GPHN: variants seen among roughly 807,000 people sequenced by gnomAD.
GPHN encodes the protein gephyrin.
Under a neutral mutation model 95.5 loss-of-function variants are expected in GPHN, and 17 were observed. The observed-to-expected ratio is 0.18, with a 90% CI of 0.12 to 0.27. GPHN has a LOEUF of 0.27. Ranked by LOEUF, GPHN falls within the 10% of genes least tolerant of loss-of-function variation. GPHN has a pLI of 1.00. For synonymous variants in GPHN, 320 were observed against 322.5 expected (o/e 0.99, Z 0.08); for missense variants, 660 against 978.1 (o/e 0.67, Z 4.34).
chr14:67,164,390 A>G (rs2082152859), intron 19 of GPHN, among the ~76,000 whole-genome samples: 1 of 152,070 alleles, frequency 6.6e-6, no homozygotes. Flanking sequence ...TGCTAAGGAT[A>G]GTTTTAAAAG....
At chr14:66,851,391 G>A (rs2062577624) in intron 4 of GPHN, among the ~76,000 whole-genome samples, 1 of 151,848 alleles carries the variant, frequency 6.6e-6, no homozygotes, top group South Asian at 2.1e-4. Context: ...ACCCAGACTG[G>A]AGTTAGAATT....
intron 8 of GPHN, among the ~76,000 whole-genome samples, chr14:66,941,077 C>A (rs1398081195): frequency 1.3e-5 from 2 of 151,820 alleles, no homozygotes; most frequent in Admixed American, 6.5e-5. Context: ...GAATATTGAT[C>A]CAGATTTCTA....
the GPHN span, among the ~76,000 whole-genome samples, chr14:67,644,647 G>C: frequency 2.0e-5 from 3 of 152,142 alleles, no homozygotes; most frequent in Non-Finnish European, 4.4e-5. Flanking sequence ...AGAACAGTTG[G>C]CTAATGTAAG....
At chr14:67,406,426 T>G in the GPHN span, among the ~76,000 whole-genome samples, 1 of 151,510 alleles carries the variant, frequency 6.6e-6, no homozygotes, top group Non-Finnish European at 1.5e-5. Context: ...TTGTGTGGAG[T>G]TAGGCAGGTC....
the GPHN span, among the ~76,000 whole-genome samples, chr14:67,566,624 G>A: frequency 3.9e-5 from 6 of 152,004 alleles, no homozygotes; most frequent in Non-Finnish European, 5.9e-5. Context: ...GGCACATGCC[G>A]GTAGTCCCAG....
chr14:67,615,936 G>T, the GPHN span: 1 of 493,574 alleles, frequency 2.0e-6, no homozygotes, highest in Non-Finnish European at 3.8e-6. Context: ...AAAGCTGAAG[G>T]AAAAATACAG....
intron 3 of GPHN, among the ~76,000 whole-genome samples, chr14:66,799,196 T>G (rs1483296025): frequency 1.3e-5 from 2 of 151,984 alleles, no homozygotes. Context: ...ATTATTTTAG[T>G]TTTTAAAAAA....
intron 2 of GPHN, among the ~76,000 whole-genome samples, chr14:66,757,574 G>C (rs1164255193): frequency 6.6e-6 from 1 of 152,126 alleles, no homozygotes; most frequent in Non-Finnish European, 1.5e-5. Flanking sequence ...ATTTTTAGTA[G>C]AGACAGGGTT....
chr14:67,572,054 TG>T, the GPHN span: 1 of 1,508,698 alleles, frequency 6.6e-7, no homozygotes. Context: ...CCCGGGTGGG[TG>T]GTCAAGTCTC....
intron 5 of GPHN, among the ~76,000 whole-genome samples, chr14:66,886,173 A>C (rs1302359921): frequency 6.6e-6 from 1 of 152,160 alleles, no homozygotes; most frequent in African/African-American, 2.4e-5. Flanking sequence ...AGGCAGCTAA[A>C]ATGACCTATC....
chr14:66,740,241 A>G (rs2072678757), intron 2 of GPHN, among the ~76,000 whole-genome samples: 1 of 152,164 alleles, frequency 6.6e-6, no homozygotes, highest in South Asian at 2.1e-4. Context: ...ACAAAAGGAA[A>G]AACATTATGT....
At chr14:67,253,861 A>G in the GPHN span, among the ~76,000 whole-genome samples, 2 of 151,448 alleles carry the variant, frequency 1.3e-5, no homozygotes, top group African/African-American at 4.9e-5. Context: ...AAAAAAAGAC[A>G]TCATTTCCAG....
intron 1 of GPHN, among the ~76,000 whole-genome samples, chr14:66,537,416 G>GCT (rs1335690502): frequency 6.6e-6 from 1 of 151,776 alleles, no homozygotes. Flanking sequence ...TTATTTTTTA[G>GCT]TTATCTTAGA....
At chr14:67,202,248 C>T in the GPHN span, among the ~76,000 whole-genome samples, 1 of 152,148 alleles carries the variant, frequency 6.6e-6, no homozygotes, top group African/African-American at 2.4e-5. Flanking sequence ...CGAGACCAGC[C>T]CCACCAACAT....
chr14:67,456,259 G>A, the GPHN span, among the ~76,000 whole-genome samples: 4 of 152,128 alleles, frequency 2.6e-5, no homozygotes, highest in East Asian at 3.9e-4. Flanking sequence ...AATCAAAACC[G>A]CAATGAGATA....
intron 3 of GPHN, among the ~76,000 whole-genome samples, chr14:66,793,033 C>G (rs1017838929): frequency 6.6e-6 from 1 of 152,254 alleles, no homozygotes; most frequent in Admixed American, 6.5e-5. Context: ...GTTTTCCGCC[C>G]TGGGCGGGCC....
chr14:67,502,816 G>A, the GPHN span, among the ~76,000 whole-genome samples: 9 of 152,154 alleles, frequency 5.9e-5, no homozygotes, highest in African/African-American at 2.2e-4. Context: ...TTATTTCCCA[G>A]CAGCCAACCA....
the GPHN span, among the ~76,000 whole-genome samples, chr14:67,624,131 A>G: frequency 6.6e-6 from 1 of 152,222 alleles, no homozygotes; most frequent in Non-Finnish European, 1.5e-5. Flanking sequence ...GGAGCAGTAT[A>G]TCTGCACTCG....
chr14:66,857,243 GA>G (rs1368750622), intron 4 of GPHN, among the ~76,000 whole-genome samples: 2 of 151,650 alleles, frequency 1.3e-5, no homozygotes, highest in Non-Finnish European at 2.9e-5. Context: ...GCCCCAAAAG[GA>G]AAAAATAGAA....
Sources: allele counts gnomAD v4.1 joint callset (sites outside exome capture counted in the v4.1 genomes callset), GRCh38; gene constraint gnomAD v4.1.1; transcripts MANE v1.5; gene names NCBI Gene and HGNC (gene_info 2026-07-23, HGNC 2026-07-21).